The following TAX1BP1 variants were observed in gnomAD, a reference collection of about 807,000 sequenced individuals.
TAX1BP1 encodes the protein tax1-binding protein 1.
In TAX1BP1, 62 loss-of-function variants were observed where a neutral mutation model predicts 97.7. The ratio of observed to expected loss-of-function variants is 0.63; its 90% confidence interval spans 0.52 to 0.78. The LOEUF (loss-of-function observed/expected upper bound fraction) is 0.78. TAX1BP1 is among the 30% of genes least tolerant of loss of function. The pLI, the probability that TAX1BP1 is intolerant of heterozygous loss-of-function variation, is 0.00. For synonymous variants in TAX1BP1, 340 were observed against 304.2 expected (o/e 1.12, Z -1.23); for missense variants, 867 against 916.1 (o/e 0.95, Z 0.69).
At chr7:27,794,574 C>A in intron 11 of TAX1BP1, 128 bp downstream of exon 11, 3 of 998,450 alleles carry the variant, frequency 3.0e-6, no homozygotes, top group Non-Finnish European at 4.3e-6. Context: ...GGAATTGAGG[C>A]AACAAGAAAA....
At chr7:27,800,544 C>T (rs1285097263) in intron 13 of TAX1BP1, among the ~76,000 whole-genome samples, 1 of 151,794 alleles carries the variant, frequency 6.6e-6, no homozygotes, top group Non-Finnish European at 1.5e-5. Context: ...TAGGGAGATA[C>T]CCACCCCCCT....
intron 5 of TAX1BP1, among the ~76,000 whole-genome samples, chr7:27,777,374 G>A (rs1367356398): frequency 6.6e-6 from 1 of 151,950 alleles, no homozygotes; most frequent in Non-Finnish European, 1.5e-5. Flanking sequence ...ATTTAGACTG[G>A]GGTTACTCTC....
At chr7:27,806,513 G>A (rs1037317479) in intron 13 of TAX1BP1, among the ~76,000 whole-genome samples, 6 of 151,754 alleles carry the variant, frequency 4.0e-5, no homozygotes, top group Admixed American at 3.3e-4. Context: ...TCAAAATGCC[G>A]GTTTTATGTC....
chr7:27,785,301 G>T lies in TAX1BP1; in HGVS notation c.751G>T (p.Glu251Ter). ...VTHKAIEKETELDSLKDKLKK... is the reference protein window; with the variant it reads ...VTHKAIEKET ...ACATAAAGCAATTGAAAAAGAAACC[G>T]AATTAGACAGGTATTTCTCATGCTT... The change falls in exon 6 of 17, where the codon GAA (glutamate) becomes TAA (stop). Residue 251 changes from glutamate to a stop codon, truncating the protein, a stop_gained. Coordinates refer to ENST00000396319, the MANE Select transcript of TAX1BP1 (RefSeq NM_006024.7). LOFTEE classifies it high-confidence loss of function. 2.5e-6 allele frequency: 4 copies of T among 1,605,668 alleles called. No individual in the cohort carries two copies. Among genetic ancestry groups the T allele is most frequent in the Non-Finnish European group, 3.4e-6 (4 of 1,177,596 alleles).
intron 3 of TAX1BP1, among the ~76,000 whole-genome samples, chr7:27,762,238 TTA>T (rs921086933): frequency 2.6e-5 from 4 of 152,310 alleles, no homozygotes; most frequent in African/African-American, 9.6e-5. Context: ...ATGTTGTAAG[TTA>T]TATATGTAGT....
At chr7:27,813,009 T>C (rs1332987144) in intron 13 of TAX1BP1, among the ~76,000 whole-genome samples, 1 of 152,160 alleles carries the variant, frequency 6.6e-6, no homozygotes, top group Non-Finnish European at 1.5e-5. Context: ...TGAAAATATA[T>C]ACTGTTTGAC....
At chr7:27,808,240 A>G (rs1004998765) in intron 13 of TAX1BP1, among the ~76,000 whole-genome samples, 1 of 152,212 alleles carries the variant, frequency 6.6e-6, no homozygotes, top group African/African-American at 2.4e-5. Context: ...AAAAATAGCA[A>G]CACACACAAA....
chr7:27,827,991 GA>G, intron 16 of TAX1BP1, among the ~76,000 whole-genome samples, 171 bp downstream of exon 16: 1 of 152,162 alleles, frequency 6.6e-6, no homozygotes, highest in Non-Finnish European at 1.5e-5. Flanking sequence ...CCGATTTAGG[GA>G]GTTTTGTCAG....
At chr7:27,803,155 A>G (rs1351950050) in intron 13 of TAX1BP1, 5 of 1,548,240 alleles carry the variant, frequency 3.2e-6, no homozygotes, top group East Asian at 4.9e-5. Context: ...CTGATTTCAC[A>G]TTTGGAAAAC....
At chr7:27,785,837 A>G (rs940480769) in intron 7 of TAX1BP1, among the ~76,000 whole-genome samples, 1 of 152,170 alleles carries the variant, frequency 6.6e-6, no homozygotes, top group Non-Finnish European at 1.5e-5. Context: ...AGTCACAGTC[A>G]TGTTGTATAT....
intron 8 of TAX1BP1, among the ~76,000 whole-genome samples, chr7:27,791,110 C>A (rs1789689028): frequency 6.6e-6 from 1 of 151,990 alleles, no homozygotes; most frequent in Non-Finnish European, 1.5e-5. Context: ...TCTCCTTTGA[C>A]ATATAGAAGT....
intron 12 of TAX1BP1, among the ~76,000 whole-genome samples, chr7:27,796,737 C>T (rs908210950): frequency 1.3e-5 from 2 of 151,868 alleles, no homozygotes; most frequent in African/African-American, 2.4e-5. Context: ...GTGGAGCATG[C>T]CTGTAGTCCC....
At chr7:27,790,016 G>A (rs1789642413) in intron 8 of TAX1BP1, among the ~76,000 whole-genome samples, 1 of 151,950 alleles carries the variant, frequency 6.6e-6, no homozygotes, top group Non-Finnish European at 1.5e-5. Context: ...TGTGAAAGTA[G>A]TTTGAGGTGA....
At chr7:27,827,102 G>A (rs779853760) in intron 15 of TAX1BP1, among the ~76,000 whole-genome samples, 17 of 152,098 alleles carry the variant, frequency 1.1e-4, no homozygotes, top group Non-Finnish European at 2.1e-4. Context: ...CTGAAATCCC[G>A]GCACTTTGAG....
At chr7:27,822,996 G>A (rs2128326761) in intron 15 of TAX1BP1, among the ~76,000 whole-genome samples, 1 of 152,178 alleles carries the variant, frequency 6.6e-6, no homozygotes, top group South Asian at 2.1e-4. Context: ...TAACAGATGT[G>A]CAAAATTATT....
At position 27,759,349 on chromosome 7, in the gene TAX1BP1, A is replaced by G. The variant is rs144633334; in HGVS notation, c.265+1216A>G. On this transcript the variant is annotated intron_variant, in intron 3 of 16. Transcript: ENST00000396319. ...TTTCCAAGTAAGATAACATTGAGAT[A>G]CCTGTAACAATTGTAATGTGGTATT... is the stretch of plus-strand genomic sequence containing the variant. Among the ~76,000 whole-genome samples the G allele has an allele frequency of 7.6e-4, 116 of 152,314 alleles. 1 individual carries two copies. Among genetic ancestry groups the G allele is most frequent in the African/African-American group, 2.0e-3 (83 of 41,580 alleles).
At chr7:27,816,543 G>T in intron 14 of TAX1BP1, 23 bp downstream of exon 14, 1 of 1,505,800 alleles carries the variant, frequency 6.6e-7, no homozygotes, top group South Asian at 1.4e-5. Flanking sequence ...TTTTTGGTTT[G>T]GGATTAGCTG....
At chr7:27,804,618 C>T (rs757044688) in intron 13 of TAX1BP1, among the ~76,000 whole-genome samples, 9 of 152,148 alleles carry the variant, frequency 5.9e-5, no homozygotes, top group African/African-American at 1.4e-4. Flanking sequence ...CTTATTCACA[C>T]GTAATTCACA....
At position 27,816,427 on chromosome 7, in the gene TAX1BP1, A is replaced by C. The variant is rs576464267; in HGVS notation, c.1843A>C (p.Thr615Pro). ...TTCCCAGAGTCCTCAATGTTTCAAAACATGCTCAGAGCAAAATGGTTATGT... is the reference window on the plus strand; with the variant it reads ...TTCCCAGAGTCCTCAATGTTTCAAACCATGCTCAGAGCAAAATGGTTATGT... ...QNSQSPQCFKTCSEQNGYVLT... is the reference protein window; with the variant it reads ...QNSQSPQCFKPCSEQNGYVLT... Residue 615 changes from threonine to proline, a missense_variant, in exon 14 of 17, where the codon ACA becomes CCA. Coordinates refer to ENST00000396319, the MANE Select transcript of TAX1BP1 (RefSeq NM_006024.7). 11 of 1,577,874 alleles carry C rather than the reference A, an allele frequency of 7.0e-6. No individual in the cohort carries two copies. Among genetic ancestry groups the C allele is most frequent in the African/African-American group, 4.2e-5 (3 of 72,234 alleles).
Sources: gnomAD v4.1 joint callset for allele counts (sites outside exome capture counted in the v4.1 genomes callset) on GRCh38, gnomAD v4.1.1 for gene constraint, MANE v1.5 for transcripts, NCBI Gene and HGNC (gene_info 2026-07-23, HGNC 2026-07-21) for gene names.